TMEM132D: variants seen among roughly 807,000 people sequenced by gnomAD.
TMEM132D encodes the protein transmembrane protein 132D.
In TMEM132D, 21 loss-of-function variants were observed where a neutral mutation model predicts 62.3. The observed-to-expected ratio is 0.34, with a 90% confidence interval of 0.24 to 0.49. TMEM132D has a LOEUF of 0.49. TMEM132D is among the 20% of genes least tolerant of loss of function. The probability of loss-of-function intolerance (pLI) is 0.99; values close to 1 mark genes in which losing one functional copy is unlikely to be tolerated. For synonymous variants in TMEM132D, 621 were observed against 575.6 expected (o/e 1.08, Z -1.13); for missense variants, 1,346 against 1,402.8 (o/e 0.96, Z 0.65).
At chr12:129,627,941 C>T (rs976234197) in intron 2 of TMEM132D, among the ~76,000 whole-genome samples, 1 of 152,148 alleles carries the variant, frequency 6.6e-6, no homozygotes, top group African/African-American at 2.4e-5. Flanking sequence ...GAGCTGAGAT[C>T]GCATCACTGT....
intron 1 of TMEM132D, among the ~76,000 whole-genome samples, chr12:129,726,705 C>G (rs577894910): frequency 4.8e-4 from 73 of 152,270 alleles, no homozygotes; most frequent in African/African-American, 1.7e-3. Flanking sequence ...TAGGAGGCAA[C>G]TGCAGTAATG....
chr12:129,266,022 G>C (rs1466254148), intron 4 of TMEM132D, among the ~76,000 whole-genome samples: 1 of 152,124 alleles, frequency 6.6e-6, no homozygotes, highest in Non-Finnish European at 1.5e-5. Flanking sequence ...GGTGCACTGA[G>C]TGACTGAATG....
chr12:129,513,804 TTTTATTTATTTA>T (rs201593908), intron 3 of TMEM132D, among the ~76,000 whole-genome samples: 2,823 of 134,030 alleles, frequency 0.021, 73 homozygotes, highest in African/African-American at 0.068. Context: ...CAATTTTTAT[TTTTATTTATTTA>T]TTTATTTATT....
intron 1 of TMEM132D, among the ~76,000 whole-genome samples, chr12:129,891,698 T>C (rs1874930142): frequency 6.6e-6 from 1 of 152,192 alleles, no homozygotes; most frequent in Non-Finnish European, 1.5e-5. Context: ...CTTATAATAG[T>C]AGAAAAGTAT....
At chr12:129,763,748 C>G (rs962583961) in intron 1 of TMEM132D, among the ~76,000 whole-genome samples, 1 of 14,836 alleles carries the variant, frequency 6.7e-5, no homozygotes, top group African/African-American at 9.9e-5. Context: ...CACCATGGAC[C>G]CCCAAGGCTG....
rs200358369 is a variant in TMEM132D, at chr12:129,531,171, C to T, written c.1003G>A (p.Val335Met). The stretch of plus-strand genomic sequence containing the variant: ...CAAATGGAAGGGCTGCTGGCTCGCA[C>T]GCCGATGATGTTCACGCCTTTCTTC... ...KVKKGVNIIG[V>M]RASSPSIWDV... The change falls in exon 3 of 9, where the codon GTG becomes ATG. Residue 335 changes from valine to methionine, a missense_variant. Physicochemically the swap from Val to Met is conservative, Grantham distance 21. Transcript: ENST00000422113. The T allele has an allele frequency of 1.5e-5, 25 of 1,613,172 alleles. No homozygotes were observed. The highest frequency in any genetic ancestry group is 4.5e-5 in the East Asian group (2 of 44,868).
intron 4 of TMEM132D, among the ~76,000 whole-genome samples, chr12:129,235,403 T>A (rs1452546624): frequency 1.9e-5 from 1 of 53,204 alleles, no homozygotes; most frequent in Non-Finnish European, 5.6e-5. Flanking sequence ...CTAATGGGTT[T>A]TTTTTTTTTT....
At chr12:129,361,375 G>A (rs1032373043) in intron 3 of TMEM132D, among the ~76,000 whole-genome samples, 1 of 152,202 alleles carries the variant, frequency 6.6e-6, no homozygotes, top group Non-Finnish European at 1.5e-5. Context: ...AGATTTGCAA[G>A]GGAGCAGACA....
At position 129,524,920 on chromosome 12, in the gene TMEM132D, C is replaced by CTTTTTTTTTTT. The variant is rs761892015; in HGVS notation, c.1115+6138_1115+6139insAAAAAAAAAAA. 5.9e-4 allele frequency among the ~76,000 whole-genome samples: 54 copies of CTTTTTTTTTTT among 92,160 alleles called. 4 individuals are homozygous for CTTTTTTTTTTT. The highest frequency in any genetic ancestry group is 1.6e-3 in the African/African-American group (36 of 22,482). 60.5% of individuals were successfully genotyped at this position (92,160 alleles called of 152,430 possible). ...CATTTTATTATTTTCATATTTTTTT[C>CTTTTTTTTTTT]TTTTTTCTTTTTTTTTTTTTTTTTG... On this transcript the variant is annotated intron_variant, in intron 3 of 8. Coordinates refer to ENST00000422113, the MANE Select transcript of TMEM132D (RefSeq NM_133448.3).
At position 129,501,467 on chromosome 12, in the gene TMEM132D, A is replaced by G. The variant is rs564385561; in HGVS notation, c.1115+29592T>C. On this transcript the variant is annotated intron_variant, in intron 3 of 8. Coordinates refer to ENST00000422113, the MANE Select transcript of TMEM132D (RefSeq NM_133448.3). ...TTCCAGAATATCCTCATAGAAATAC[A>G]TGGGAACAATTATTAAAAGTTAACA... Among the ~76,000 whole-genome samples the G allele has an allele frequency of 2.6e-5, 4 of 152,270 alleles. No individual in the cohort carries two copies. The South Asian group carries it at 8.3e-4, about 32-fold the overall frequency.
intron 2 of TMEM132D, among the ~76,000 whole-genome samples, chr12:129,689,623 G>A (rs553616673): frequency 2.0e-5 from 3 of 152,252 alleles, no homozygotes; most frequent in African/African-American, 7.2e-5. Flanking sequence ...TTAGGGCATT[G>A]GATGAGTTTC....
intron 5 of TMEM132D, among the ~76,000 whole-genome samples, chr12:129,183,474 G>A (rs78211809): frequency 0.076 from 11,578 of 152,278 alleles, 656 homozygotes; most frequent in African/African-American, 0.15. Flanking sequence ...CAGCCCAGGC[G>A]TATTTCCTTC....
chr12:129,483,174 C>T (rs984923675), intron 3 of TMEM132D, among the ~76,000 whole-genome samples: 1 of 152,170 alleles, frequency 6.6e-6, no homozygotes, highest in Non-Finnish European at 1.5e-5. Flanking sequence ...ACGCTTCTAT[C>T]GTGAACGTAC....
At chr12:129,861,763 A>AG (rs1873907958) in intron 1 of TMEM132D, among the ~76,000 whole-genome samples, 1 of 151,092 alleles carries the variant, frequency 6.6e-6, no homozygotes. Context: ...CAAAGAAAAA[A>AG]AAAAAAAAAA....
intron 3 of TMEM132D, among the ~76,000 whole-genome samples, chr12:129,390,244 A>G (rs749137507): frequency 1.1e-4 from 17 of 152,056 alleles, no homozygotes; most frequent in Non-Finnish European, 2.4e-4. Context: ...CTGAAGTTCT[A>G]TTGGAACACT....
intron 4 of TMEM132D, among the ~76,000 whole-genome samples, chr12:129,323,478 G>A (rs757487603): frequency 1.3e-5 from 2 of 152,152 alleles, no homozygotes; most frequent in Admixed American, 1.3e-4. Flanking sequence ...CTGGTGAACC[G>A]AAGAAAATTA....
intron 3 of TMEM132D, among the ~76,000 whole-genome samples, chr12:129,526,474 G>A (rs966610429): frequency 4.6e-5 from 7 of 151,944 alleles, no homozygotes; most frequent in African/African-American, 9.7e-5. Flanking sequence ...TAGTAGAGAC[G>A]GGGTTTCACC....
intron 3 of TMEM132D, among the ~76,000 whole-genome samples, chr12:129,474,631 C>T (rs1354232997): frequency 2.0e-5 from 3 of 152,178 alleles, no homozygotes; most frequent in South Asian, 2.1e-4. Context: ...CTCGTCCCTT[C>T]GCGTTGACAG....
chr12:129,399,639 C>CAA (rs61117388), intron 3 of TMEM132D, among the ~76,000 whole-genome samples: 6,744 of 130,800 alleles, frequency 0.052, 232 homozygotes, highest in African/African-American at 0.11. Flanking sequence ...GAGGACGTCT[C>CAA]AAAAAAAAAA....
Sources: gnomAD v4.1 joint callset for allele counts (sites outside exome capture counted in the v4.1 genomes callset) on GRCh38, gnomAD v4.1.1 for gene constraint, MANE v1.5 for transcripts, NCBI Gene and HGNC (gene_info 2026-07-23, HGNC 2026-07-21) for gene names.